LRRC20: variants seen among roughly 807,000 people sequenced by gnomAD.
LRRC20 encodes leucine rich repeat containing 20, also known as leucine-rich repeat-containing protein 20.
Under a neutral mutation model 14.4 loss-of-function variants are expected in LRRC20, and 11 were observed. The ratio of observed to expected loss-of-function variants is 0.77; its 90% CI spans 0.48 to 1.27. The LOEUF (loss-of-function observed/expected upper bound fraction) is 1.27, where lower values mean the gene tolerates loss of function less well. LRRC20 is among the 50% of genes most tolerant of loss of function. LRRC20 has a pLI of 0.00. For missense variants in LRRC20, 219 were observed against 251.2 expected (o/e 0.87, Z 0.87); for synonymous variants, 121 against 107.3 (o/e 1.13, Z -0.79).
chr10:70,318,303 T>C (rs1247422395), intron 4 of LRRC20, among the ~76,000 whole-genome samples: 1 of 152,204 alleles, frequency 6.6e-6, no homozygotes, highest in African/African-American at 2.4e-5. Context: ...CCAGGGAATG[T>C]GCATTTCTAA....
At position 70,326,330 on chromosome 10, in the gene LRRC20, A is replaced by ACACACACG. The variant is rs1554838457; in HGVS notation, c.233-2301_233-2300insCGTGTGTG. ...CACACACACACACACACACACACAC[A>ACACACACG]CACGCACGCGCCTGGGTACCAGCCC... On this transcript the variant is annotated intron_variant, in intron 3 of 4. Coordinates refer to ENST00000446961, the MANE Select transcript of LRRC20 (RefSeq NM_001278212.2). 2.4e-3 allele frequency among the ~76,000 whole-genome samples: 357 copies of ACACACACG among 151,060 alleles called. 3 individuals are homozygous for ACACACACG. Among genetic ancestry groups the ACACACACG allele is most frequent in the Non-Finnish European group, 3.1e-3 (209 of 67,748 alleles).
At chr10:70,332,341 C>T (rs528151701) in intron 3 of LRRC20, among the ~76,000 whole-genome samples, 1 of 152,302 alleles carries the variant, frequency 6.6e-6, no homozygotes, top group South Asian at 2.1e-4. Context: ...AACATTCTGC[C>T]TCCATAAAAA....
intron 1 of LRRC20, among the ~76,000 whole-genome samples, chr10:70,380,251 G>A (rs1451452764): frequency 2.0e-5 from 3 of 152,234 alleles, no homozygotes; most frequent in Non-Finnish European, 4.4e-5. Context: ...TCAGTAGGAA[G>A]AAGGGCCCCT....
intron 4 of LRRC20, among the ~76,000 whole-genome samples, chr10:70,304,991 C>A (rs1247579036): frequency 6.6e-6 from 1 of 152,150 alleles, no homozygotes; most frequent in Non-Finnish European, 1.5e-5. Context: ...TCGAGACCAG[C>A]CTGACCAACA....
At chr10:70,355,405 T>C (rs1843481425) in intron 2 of LRRC20, among the ~76,000 whole-genome samples, 1 of 152,094 alleles carries the variant, frequency 6.6e-6, no homozygotes, top group Non-Finnish European at 1.5e-5. Context: ...TCCTGTCTCA[T>C]GCCCCTTATA....
chr10:70,375,055 T>C lies in LRRC20; in HGVS notation c.82+1397A>G, dbSNP rs1279808594. ...GCCCATGTGACTCAAAGCCTAGCTC[T>C]GAACCGCAGTCTCAGTGGTAGAGAG... On this transcript the variant is annotated intron_variant, in intron 2 of 4. Coordinates refer to ENST00000446961, the MANE Select transcript of LRRC20 (RefSeq NM_001278212.2). Among the ~76,000 whole-genome samples, 3 of 152,146 alleles carry C rather than the reference T, an allele frequency of 2.0e-5. No individual in the cohort carries two copies. In the East Asian group the frequency reaches 5.8e-4, roughly 29 times the overall value.
At chr10:70,330,824 T>C (rs1368925340) in intron 3 of LRRC20, among the ~76,000 whole-genome samples, 1 of 152,158 alleles carries the variant, frequency 6.6e-6, no homozygotes, top group Non-Finnish European at 1.5e-5. Context: ...GCTGCCTGCG[T>C]CACAAGCTCC....
chr10:70,381,844 G>C (rs562542059), intron 1 of LRRC20: 5 of 152,432 alleles, frequency 3.3e-5, no homozygotes, highest in African/African-American at 1.2e-4. Flanking sequence ...CCTTGTTTTT[G>C]TGGCATGGGG....
intron 4 of LRRC20, among the ~76,000 whole-genome samples, chr10:70,303,027 A>AG (rs1228864669): frequency 1.3e-5 from 2 of 151,256 alleles, no homozygotes; most frequent in Non-Finnish European, 2.9e-5. Flanking sequence ...TCTTAAAAGA[A>AG]AAAAAAAAGG....
chr10:70,358,352 G>A (rs1271821742), intron 2 of LRRC20, among the ~76,000 whole-genome samples: 1 of 152,192 alleles, frequency 6.6e-6, no homozygotes, highest in Non-Finnish European at 1.5e-5. Flanking sequence ...AGCCACACCC[G>A]CTGAACCGAC....
Position 70,301,511 on chromosome 10 carries a change from A to T in LRRC20, c.401-3T>A. The T allele has an allele frequency of 1.9e-6, 3 of 1,613,738 alleles. No homozygotes were observed. ...GGCCAGCTTCTCCACGGGCACATCT[A>T]TTGGGGACAGAATGGACAGGTTAGA... On this transcript the variant is annotated splice_polypyrimidine_tract_variant and splice_region_variant and intron_variant, in intron 4 of 4. Coordinates refer to ENST00000446961, the MANE Select transcript of LRRC20 (RefSeq NM_001278212.2).
chr10:70,326,297 T>TACACACACACACACAC (rs3998644), intron 3 of LRRC20, among the ~76,000 whole-genome samples: 12 of 140,382 alleles, frequency 8.5e-5, no homozygotes, highest in African/African-American at 1.6e-4. Flanking sequence ...CGCCTCTGTG[T>TACACACACACACACAC]ACACACACAC....
At chr10:70,341,495 T>C (rs1842910500) in intron 2 of LRRC20, among the ~76,000 whole-genome samples, 1 of 152,114 alleles carries the variant, frequency 6.6e-6, no homozygotes, top group South Asian at 2.1e-4. Context: ...TGGCCAGGCG[T>C]GGTGGCTCAC....
chr10:70,347,415 C>T (rs879671907), intron 2 of LRRC20, among the ~76,000 whole-genome samples: 1 of 152,064 alleles, frequency 6.6e-6, no homozygotes. Flanking sequence ...CCTGTCTTTC[C>T]GGAGTAGATC....
At chr10:70,334,567 C>A (rs918154745) in intron 3 of LRRC20, among the ~76,000 whole-genome samples, 15 of 152,130 alleles carry the variant, frequency 9.9e-5, no homozygotes, top group Non-Finnish European at 2.2e-4. Context: ...CCCCAAATAC[C>A]GCCTAAGACT....
rs971658697 is a variant in LRRC20 at position 70,323,848 on chromosome 10, G to A, written c.400+15C>T. The A allele has an allele frequency of 2.5e-6, 4 of 1,613,762 alleles. No homozygotes were observed. Among genetic ancestry groups the A allele is most frequent in the Non-Finnish European group, 3.4e-6 (4 of 1,179,844 alleles). On this transcript the variant is annotated intron_variant, in intron 4 of 4. Transcript: ENST00000446961. ...CGTGCAGCAGCCCAGGGCCAGGTGG[G>A]CCAGGCCCACTCACCTACGATCTCG... is the stretch of plus-strand genomic sequence containing the variant.
chr10:70,359,242 A>G (rs1287644562), intron 2 of LRRC20, among the ~76,000 whole-genome samples: 1 of 152,058 alleles, frequency 6.6e-6, no homozygotes, highest in Non-Finnish European at 1.5e-5. Context: ...ACTTTCCATT[A>G]CATCACTCTC....
At chr10:70,340,190 C>T (rs72809225) in intron 3 of LRRC20, among the ~76,000 whole-genome samples, 1,881 of 151,892 alleles carry the variant, frequency 0.012, 17 homozygotes, top group Middle Eastern at 0.031. Context: ...GAGAGCAACA[C>T]AGGAGAACAA....
At chr10:70,368,437 G>A (rs183062594) in intron 2 of LRRC20, among the ~76,000 whole-genome samples, 1 of 152,030 alleles carries the variant, frequency 6.6e-6, no homozygotes, top group Non-Finnish European at 1.5e-5. Context: ...GATTACAGGG[G>A]TGAGCCACCG....
Sources: gnomAD v4.1 joint callset for allele counts (sites outside exome capture counted in the v4.1 genomes callset) on GRCh38, gnomAD v4.1.1 for gene constraint, MANE v1.5 for transcripts, NCBI Gene and HGNC (gene_info 2026-07-23, HGNC 2026-07-21) for gene names.